PCMT1: variants seen among roughly 807,000 people sequenced by gnomAD.
The protein encoded by PCMT1 is protein-L-isoaspartate(D-aspartate) O-methyltransferase.
In PCMT1, 9 loss-of-function variants were observed where a neutral mutation model predicts 29.2. That is an observed-to-expected ratio of 0.31 (90% confidence interval 0.19 to 0.54). The LOEUF (loss-of-function observed/expected upper bound fraction) is 0.54. PCMT1 is among the 20% of genes least tolerant of loss of function. PCMT1 has a pLI of 0.95. For synonymous variants in PCMT1, 98 were observed against 97.5 expected (o/e 1.00, Z -0.03); for missense variants, 184 against 282.2 (o/e 0.65, Z 2.49).
chr6:149,787,876 G>A (rs187214178), intron 3 of PCMT1, among the ~76,000 whole-genome samples: 1 of 151,692 alleles, frequency 6.6e-6, no homozygotes. Flanking sequence ...GTTTTTCTGA[G>A]CTCTTTGAGG....
intron 3 of PCMT1, among the ~76,000 whole-genome samples, chr6:149,776,074 G>A (rs575993964): frequency 1.3e-5 from 2 of 152,006 alleles, no homozygotes; most frequent in Non-Finnish European, 2.9e-5. Flanking sequence ...CAGGAGAATC[G>A]CTTGAACCCG....
chr6:149,784,414 A>G (rs895449444), intron 3 of PCMT1, among the ~76,000 whole-genome samples: 12 of 152,300 alleles, frequency 7.9e-5, no homozygotes, highest in African/African-American at 2.4e-4. Flanking sequence ...TAATGAACCT[A>G]TAAATCACCC....
intron 1 of PCMT1, among the ~76,000 whole-genome samples, chr6:149,757,068 C>T (rs1276272402): frequency 3.3e-5 from 5 of 152,090 alleles, no homozygotes; most frequent in African/African-American, 4.8e-5. Context: ...GCAGGAGAAT[C>T]GCTTGAACCC....
chr6:149,780,665 TC>T (rs1787777706), intron 3 of PCMT1, among the ~76,000 whole-genome samples: 1 of 152,236 alleles, frequency 6.6e-6, no homozygotes, highest in Non-Finnish European at 1.5e-5. Context: ...TCAAGATTGA[TC>T]CCTGTTGTAG....
intron 7 of PCMT1, among the ~76,000 whole-genome samples, chr6:149,806,532 T>C (rs1776019030): frequency 6.6e-6 from 1 of 152,204 alleles, no homozygotes; most frequent in African/African-American, 2.4e-5. Context: ...CCTAGTCAAC[T>C]TCTTGCCAGG....
chr6:149,771,935 A>C, intron 2 of PCMT1: 1 of 453,806 alleles, frequency 2.2e-6, no homozygotes, highest in Non-Finnish European at 4.4e-6. Flanking sequence ...TTAAATCAAT[A>C]TTTAAATAAG....
chr6:149,763,297 T>TATCTATG (rs1786941114), intron 1 of PCMT1, among the ~76,000 whole-genome samples: 1 of 82,772 alleles, frequency 1.2e-5, no homozygotes, highest in Non-Finnish European at 2.1e-5. Flanking sequence ...CTATGATATA[T>TATCTATG]ATATCTATGA....
chr6:149,810,881 AAAAG>A lies in PCMT1; in HGVS notation c.*308_*311del. On this transcript the variant is annotated 3_prime_UTR_variant, in exon 8 of 8. Coordinates refer to ENST00000464889, the MANE Select transcript of PCMT1 (RefSeq NM_001360452.2). ...TGCCCATATTTTACTTGGAAATATT[AAAAG>A]AAAGGGTTCTGTAAAATGGAAAACT... The A allele has an allele frequency of 2.6e-6, 1 of 385,786 alleles. No homozygotes were observed. The highest frequency in any genetic ancestry group is 6.5e-5 in the South Asian group (1 of 15,364). The allele number at this position is 385,786 out of a possible 1,614,324, so 23.9% of individuals were successfully genotyped here.
chr6:149,793,255 A>T (rs1395183602), intron 4 of PCMT1, among the ~76,000 whole-genome samples: 3 of 152,180 alleles, frequency 2.0e-5, no homozygotes, highest in African/African-American at 7.2e-5. Context: ...TAAATAAAAA[A>T]TTATTGTACT....
chr6:149,773,064 G>A, intron 2 of PCMT1, 74 bp from the exon 3 acceptor site: 4 of 1,098,450 alleles, frequency 3.6e-6, no homozygotes, highest in Non-Finnish European at 5.4e-6. Context: ...ACGTATGGAT[G>A]GTAGAAAAGA....
chr6:149,791,028 G>A (rs1788345167), intron 4 of PCMT1, among the ~76,000 whole-genome samples: 1 of 152,008 alleles, frequency 6.6e-6, no homozygotes, highest in South Asian at 2.1e-4. Flanking sequence ...AGTGTGGGGG[G>A]TGGGCTTAGC....
rs1391433241 is a variant in PCMT1 at position 149,785,682 on chromosome 6, T to C, written c.193-4272T>C. ...GCACCGCCCTTAATCCATTTAACCC[T>C]GAGTGGACACAGCACTTGTTTCAGA... On this transcript the variant is annotated intron_variant, in intron 3 of 7. Transcript: ENST00000464889. Among the ~76,000 whole-genome samples the C allele has an allele frequency of 6.6e-5, 10 of 152,058 alleles. 1 individual carries two copies. Among genetic ancestry groups the C allele is most frequent in the Admixed American group, 5.9e-4 (9 of 15,264 alleles).
At chr6:149,791,831 C>T (rs1458728317) in intron 4 of PCMT1, among the ~76,000 whole-genome samples, 1 of 152,080 alleles carries the variant, frequency 6.6e-6, no homozygotes, top group African/African-American at 2.4e-5. Context: ...AGGATGTATT[C>T]ATTTTAAAAA....
chr6:149,765,536 C>T (rs1787044940), intron 1 of PCMT1, among the ~76,000 whole-genome samples: 1 of 151,838 alleles, frequency 6.6e-6, no homozygotes, highest in Non-Finnish European at 1.5e-5. Flanking sequence ...TAGTTTATTA[C>T]TATTTACATT....
In PCMT1 at chr6:149,759,837, C is replaced by T. The variant is rs554053474; in HGVS notation, c.55+9881C>T. 3.9e-5 allele frequency among the ~76,000 whole-genome samples: 6 copies of T among 152,144 alleles called. No individual in the cohort carries two copies. In the South Asian group the frequency reaches 1.0e-3, roughly 26 times the overall value. On this transcript the variant is annotated intron_variant, in intron 1 of 7. Coordinates refer to ENST00000464889, the MANE Select transcript of PCMT1 (RefSeq NM_001360452.2). Reference sequence around the variant, plus strand: ...TTTCAGTGCTTATACCAACACAGGCCCTCTTTATTTTTTTATTTCTGCCAG... The same window carrying T: ...TTTCAGTGCTTATACCAACACAGGCTCTCTTTATTTTTTTATTTCTGCCAG...
intron 4 of PCMT1, among the ~76,000 whole-genome samples, chr6:149,793,163 A>C (rs749696791): frequency 0.014 from 587 of 41,430 alleles, 3 homozygotes; most frequent in African/African-American, 0.12. Flanking sequence ...ACTCTCTCTC[A>C]AAAAAAAAAA....
At chr6:149,808,069 C>T (rs113410820) in intron 7 of PCMT1, among the ~76,000 whole-genome samples, 1 of 152,054 alleles carries the variant, frequency 6.6e-6, no homozygotes, top group Admixed American at 6.6e-5. Flanking sequence ...TATTAGAAAA[C>T]GTTCATGGAT....
rs1788185148 is a variant in PCMT1, at chr6:149,787,799, CTCTCCCTTTA to C, written c.193-2152_193-2143del. On this transcript the variant is annotated intron_variant, in intron 3 of 7. Transcript: ENST00000464889. The stretch of plus-strand genomic sequence containing the variant: ...CACCATTTGCTTTATCATTTATTCT[CTCTCCCTTTA>C]TCCCCTCTCTCCTCTGTGTGTGTGT... 1.1e-4 allele frequency among the ~76,000 whole-genome samples: 17 copies of C among 150,336 alleles called. No individual in the cohort carries two copies. The South Asian group carries it at 3.6e-3, about 32-fold the overall frequency.
At position 149,762,952 on chromosome 6, in the gene PCMT1, A is replaced by ATATATATATC. The variant is rs1786880193; in HGVS notation, c.56-8207_56-8206insATATATCTAT. On this transcript the variant is annotated intron_variant, in intron 1 of 7. Coordinates refer to ENST00000464889, the MANE Select transcript of PCMT1 (RefSeq NM_001360452.2). The stretch of plus-strand genomic sequence containing the variant: ...GATATATATGATATATATATCTATG[A>ATATATATATC]TATGTATATCTATGATATATATGAT... Among the ~76,000 whole-genome samples, 5 of 50,942 alleles carry ATATATATATC rather than the reference A, an allele frequency of 9.8e-5. 1 individual carries two copies. In the South Asian group the frequency reaches 1.8e-3, roughly 18 times the overall value. The allele number at this position is 50,942 out of a possible 152,430, so 33.4% of individuals were successfully genotyped here.
Sources: gnomAD v4.1 joint callset for allele counts (sites outside exome capture counted in the v4.1 genomes callset) on GRCh38, gnomAD v4.1.1 for gene constraint, MANE v1.5 for transcripts, NCBI Gene and HGNC (gene_info 2026-07-23, HGNC 2026-07-21) for gene names.